Variants in LRRFIP1 observed in about 807,000 individuals in gnomAD.
The protein encoded by LRRFIP1 is leucine-rich repeat flightless-interacting protein 1.
A neutral mutation model predicts 104.4 loss-of-function variants in LRRFIP1; 62 were observed. That is an observed-to-expected ratio of 0.59 (90% confidence interval 0.48 to 0.73). LRRFIP1 has a LOEUF of 0.73. Ranked by LOEUF, LRRFIP1 falls within the 30% of genes least tolerant of loss-of-function variation. LRRFIP1 has a pLI of 0.00. For synonymous variants in LRRFIP1, 300 were observed against 299.0 expected (o/e 1.00, Z -0.03); for missense variants, 796 against 824.5 (o/e 0.97, Z 0.42).
rs2094365447 is a variant in LRRFIP1 at position 237,717,115 on chromosome 2, C to G, written c.202-647C>G. Among the ~76,000 whole-genome samples, 2 of 152,026 alleles carry G rather than the reference C, an allele frequency of 1.3e-5. No individual in the cohort carries two copies. Among genetic ancestry groups the G allele is most frequent in the African/African-American group, 4.8e-5 (2 of 41,354 alleles). On this transcript the variant is annotated intron_variant, in intron 3 of 23. Coordinates refer to ENST00000308482, the MANE Select transcript of LRRFIP1 (RefSeq NM_001137550.2). This position sits in a 1 kb window ranked among gnomAD's most constrained non-coding sequence, Gnocchi z 4.2. ...GGTCCAAGGAAGCCAAAAGATTGGA[C>G]ACCCCTGAGCTAATGTCACCTCCAG... is the stretch of plus-strand genomic sequence containing the variant.
At chr2:237,748,950 C>T (rs1406210588) in intron 12 of LRRFIP1, among the ~76,000 whole-genome samples, 1 of 152,156 alleles carries the variant, frequency 6.6e-6, no homozygotes, top group Admixed American at 6.5e-5. Context: ...AAGCAGGCAC[C>T]TTCTTCACAA....
rs190569103 is a variant in LRRFIP1 at position 237,720,769 on chromosome 2, T to C, written c.295-3T>C. 180 of 1,613,882 alleles carry C rather than the reference T, an allele frequency of 1.1e-4. 3 individuals carry two copies. In the East Asian group the frequency reaches 3.9e-3, roughly 35 times the overall value. The stretch of plus-strand genomic sequence containing the variant: ...CGGTTGTTCTCGTCCTTTCTTTTAA[T>C]AGGCTTCTGATGAAGACGAGCGCAT... On this transcript the variant is annotated splice_region_variant and splice_polypyrimidine_tract_variant and intron_variant, in intron 5 of 23. Transcript: ENST00000308482.
chr2:237,742,867 A>G (rs1349903303), intron 11 of LRRFIP1, among the ~76,000 whole-genome samples: 2 of 152,058 alleles, frequency 1.3e-5, no homozygotes, highest in Admixed American at 1.3e-4. Context: ...GGTCATATGG[A>G]GCAGGCAGTG....
At chr2:237,713,900 T>A (rs998611128) in intron 2 of LRRFIP1, among the ~76,000 whole-genome samples, 1 of 152,244 alleles carries the variant, frequency 6.6e-6, no homozygotes, top group African/African-American at 2.4e-5. Context: ...GTTTCTGTAC[T>A]TTTTGATTAA....
At chr2:237,736,552 C>T (rs185736221) in intron 10 of LRRFIP1, among the ~76,000 whole-genome samples, 42 of 152,250 alleles carry the variant, frequency 2.8e-4, no homozygotes, top group Admixed American at 1.9e-3. Context: ...TCTGGCAGGA[C>T]GGAGGGCTCC....
At chr2:237,704,025 C>G (rs549932308) in intron 1 of LRRFIP1, among the ~76,000 whole-genome samples, 3 of 152,208 alleles carry the variant, frequency 2.0e-5, no homozygotes, top group Non-Finnish European at 4.4e-5. Context: ...CCCTGATCCC[C>G]GAGAACCCCT....
chr2:237,627,835 C>G (rs1559420685), intron 1 of LRRFIP1, 95 bp downstream of exon 1: 1 of 823,334 alleles, frequency 1.2e-6, no homozygotes. Flanking sequence ...TCCCGCTGTG[C>G]GTCTGTGCCA....
intron 1 of LRRFIP1, among the ~76,000 whole-genome samples, chr2:237,706,096 A>G (rs1249457934): frequency 2.0e-5 from 3 of 152,228 alleles, no homozygotes; most frequent in African/African-American, 4.8e-5. Context: ...CATTATGTCC[A>G]TGGTCCCACG....
At chr2:237,767,354 C>T (rs2060310369) in intron 19 of LRRFIP1, among the ~76,000 whole-genome samples, 1 of 152,138 alleles carries the variant, frequency 6.6e-6, no homozygotes, top group Non-Finnish European at 1.5e-5. Flanking sequence ...TGGGGTTTCA[C>T]TATCATACAG....
chr2:237,627,698 G>A lies in LRRFIP1; in HGVS notation c.54G>A (p.Arg18=), dbSNP rs765710661. 2.2e-6 allele frequency: 3 copies of A among 1,370,664 alleles called. No homozygotes were observed. The highest frequency in any genetic ancestry group is 1.5e-5 in the African/African-American group (1 of 66,036). The allele number at this position is 1,370,664 out of a possible 1,614,324, so 84.9% of individuals were successfully genotyped here. Residue 18 remains arginine (R), a synonymous_variant, in exon 1 of 24, where the codon CGG becomes CGA. Transcript: ENST00000308482. ...GCAAGCGGCTCCCCAACCGGGAGCGGCTCACGGCGGAGGACGACGCGCTCA... is the reference window on the plus strand; with the variant it reads ...GCAAGCGGCTCCCCAACCGGGAGCGACTCACGGCGGAGGACGACGCGCTCA... The part of the protein sequence containing the change: ...SGRKRLPNRE[R]LTAEDDALNQ...
At chr2:237,773,010 C>G in intron 22 of LRRFIP1, 65 bp downstream of exon 22, 1 of 1,367,188 alleles carries the variant, frequency 7.3e-7, no homozygotes, top group Non-Finnish European at 1.0e-6. Flanking sequence ...AGAAATAGCC[C>G]TGAAAGGCTG....
chr2:237,735,559 T>G lies in LRRFIP1; in HGVS notation c.555+226T>G. The G allele has an allele frequency of 3.9e-6, 2 of 513,952 alleles. No homozygotes were observed. Among genetic ancestry groups the G allele is most frequent in the Non-Finnish European group, 6.9e-6 (2 of 289,832 alleles). The allele number at this position is 513,952 out of a possible 1,614,324, so 31.8% of individuals were successfully genotyped here. On this transcript the variant is annotated intron_variant, in intron 10 of 23. Transcript: ENST00000308482. The surrounding 1 kb of genome is among the most constrained non-coding windows in gnomAD (Gnocchi z 4.6). ...TCCTCACTCATCAGGGAGAGTAACT[T>G]GCACTGAGTTTCATCTGCTCTCTCT...
At chr2:237,678,422 G>A (rs1388917084) in intron 1 of LRRFIP1, among the ~76,000 whole-genome samples, 1 of 152,192 alleles carries the variant, frequency 6.6e-6, no homozygotes, top group Non-Finnish European at 1.5e-5. Flanking sequence ...AGGGGCTGGT[G>A]TGTCAGGGAC....
At chr2:237,750,326 C>CTTTTTTTTTTTTTTTTTTTTTTTTT (rs928510240) in intron 13 of LRRFIP1, among the ~76,000 whole-genome samples, 81 of 60,666 alleles carry the variant, frequency 1.3e-3, no homozygotes, top group South Asian at 2.1e-3. Flanking sequence ...TTCTTTCTTT[C>CTTTTTTTTTTTTTTTTTTTTTTTTT]TTTTTTTTTT....
At chr2:237,751,414 G>A in intron 14 of LRRFIP1, 143 bp downstream of exon 14, 1 of 656,748 alleles carries the variant, frequency 1.5e-6, no homozygotes, top group Non-Finnish European at 2.6e-6. Context: ...TGGCAGGAGT[G>A]CCGGCATGGG....
At chr2:237,723,702 G>C (rs1436782836) in intron 7 of LRRFIP1, 116 bp downstream of exon 7, 1 of 1,303,222 alleles carries the variant, frequency 7.7e-7, no homozygotes, top group South Asian at 1.2e-5. Context: ...TGCCTGGGGG[G>C]CTATGAGGCC....
At chr2:237,765,005 T>C in intron 19 of LRRFIP1, 1 of 976,224 alleles carries the variant, frequency 1.0e-6, no homozygotes, top group Non-Finnish European at 1.2e-6. Context: ...CTCATGCCTG[T>C]AATCTCAGTA....
At chr2:237,706,333 C>T (rs930514562) in intron 1 of LRRFIP1, among the ~76,000 whole-genome samples, 51 of 152,128 alleles carry the variant, frequency 3.4e-4, no homozygotes, top group African/African-American at 1.2e-3. Context: ...ACATCTCACC[C>T]CTCTGCTCCT....
At chr2:237,682,908 G>T (rs2091980306) in intron 1 of LRRFIP1, among the ~76,000 whole-genome samples, 1 of 152,244 alleles carries the variant, frequency 6.6e-6, no homozygotes, top group Admixed American at 6.5e-5. Context: ...GCTGAGACAT[G>T]AATGTGCTTC....
Sources: gnomAD v4.1 joint callset for allele counts (sites outside exome capture counted in the v4.1 genomes callset) on GRCh38, gnomAD v4.1.1 for gene constraint, Gnocchi (gnomAD v3.1) non-coding constraint, MANE v1.5 for transcripts, NCBI Gene and HGNC (gene_info 2026-07-23, HGNC 2026-07-21) for gene names.